CAMTA1: variants seen among roughly 807,000 people sequenced by gnomAD.
The protein encoded by CAMTA1 is calmodulin-binding transcription activator 1.
CAMTA1 carries 27 observed loss-of-function variants against 170.9 expected under a neutral mutation model. That is an observed-to-expected ratio of 0.16 (90% CI 0.12 to 0.22). The LOEUF (loss-of-function observed/expected upper bound fraction) is 0.22. CAMTA1 is among the 10% of genes least tolerant of loss of function. CAMTA1 has a pLI of 1.00. For synonymous variants in CAMTA1, 833 were observed against 891.5 expected, an observed-to-expected ratio of 0.93 and a Z score of 1.17; for missense variants, 1,619 against 2,217.2, an observed-to-expected ratio of 0.73 and a Z score of 5.42.
At chr1:7,636,962 AG>A (rs2095716897) in intron 6 of CAMTA1, among the ~76,000 whole-genome samples, 1 of 152,254 alleles carries the variant, frequency 6.6e-6, no homozygotes, top group African/African-American at 2.4e-5. Flanking sequence ...CTACTATGGT[AG>A]AGGCAGAGAG....
At chr1:7,473,095 G>T (rs565469064) in intron 6 of CAMTA1, among the ~76,000 whole-genome samples, 1 of 152,290 alleles carries the variant, frequency 6.6e-6, no homozygotes, top group Admixed American at 6.5e-5. Flanking sequence ...CCAAATCAGT[G>T]GGCCTTCCAT....
chr1:7,570,690 G>T lies in CAMTA1; in HGVS notation c.511-69710G>T, dbSNP rs774960184. On this transcript the variant is annotated intron_variant, in intron 6 of 22. Coordinates refer to ENST00000303635, the MANE Select transcript of CAMTA1 (RefSeq NM_015215.4). This position sits in a 1 kb window ranked among gnomAD's most constrained non-coding sequence, Gnocchi z 4.3. ...AAGGCCAAGGTCCTGTCAGCCTCCTGCTGTGTCAGCACAGACCCTGCCTGG... is the reference window on the plus strand; with the variant it reads ...AAGGCCAAGGTCCTGTCAGCCTCCTTCTGTGTCAGCACAGACCCTGCCTGG... Among the ~76,000 whole-genome samples, 3 of 152,246 alleles carry T rather than the reference G, an allele frequency of 2.0e-5. No individual in the cohort carries two copies. Among genetic ancestry groups the T allele is most frequent in the Non-Finnish European group, 2.9e-5 (2 of 68,048 alleles).
At chr1:7,246,251 T>C (rs1266915786) in intron 4 of CAMTA1, among the ~76,000 whole-genome samples, 1 of 152,210 alleles carries the variant, frequency 6.6e-6, no homozygotes, top group Non-Finnish European at 1.5e-5. Context: ...CTGGGAATGA[T>C]AATAATACCT....
intron 6 of CAMTA1, among the ~76,000 whole-genome samples, chr1:7,607,507 T>A (rs1203547555): frequency 6.6e-6 from 1 of 151,104 alleles, no homozygotes; most frequent in Non-Finnish European, 1.5e-5. Flanking sequence ...AGTCAATAGA[T>A]GAGTAAGTGG....
chr1:7,401,859 C>T (rs1331309121), intron 5 of CAMTA1, among the ~76,000 whole-genome samples: 1 of 152,118 alleles, frequency 6.6e-6, no homozygotes, highest in Non-Finnish European at 1.5e-5. Context: ...CCACATCCAG[C>T]TCTATGCTTC....
In CAMTA1 at chr1:7,092,501, G is replaced by C. The variant is rs189385067; in HGVS notation, c.302+1130G>C. On this transcript the variant is annotated intron_variant, in intron 4 of 22. Transcript: ENST00000303635. The surrounding 1 kb of genome is among the most constrained non-coding windows in gnomAD (Gnocchi z 5.0). ...GGCTAGAGGGCATTGTGGAAGGAAGGTTAGTTATTGAGGCTCCCTTCCCCA... is the reference window on the plus strand; with the variant it reads ...GGCTAGAGGGCATTGTGGAAGGAAGCTTAGTTATTGAGGCTCCCTTCCCCA... Among the ~76,000 whole-genome samples, 1 of 152,320 alleles carries C rather than the reference G, an allele frequency of 6.6e-6. No individual in the cohort carries two copies. The highest frequency in any genetic ancestry group is 1.5e-5 in the Non-Finnish European group (1 of 68,030).
rs145149624 is a variant in CAMTA1 at position 6,835,936 on chromosome 1, T to G, written c.234+10726T>G. Among the ~76,000 whole-genome samples the G allele has an allele frequency of 2.6e-3, 398 of 152,304 alleles. 2 individuals are homozygous for G. Among genetic ancestry groups the G allele is most frequent in the Admixed American group, 4.5e-3 (69 of 15,304 alleles). On this transcript the variant is annotated intron_variant, in intron 3 of 22. Transcript: ENST00000303635. ...GAAGCATATTCTAATTTTTCAATGT[T>G]TTTTGAAAGGGTAGCATGAACAATA...
At chr1:7,412,255 G>A (rs2090831856) in intron 5 of CAMTA1, among the ~76,000 whole-genome samples, 1 of 152,006 alleles carries the variant, frequency 6.6e-6, no homozygotes, top group African/African-American at 2.4e-5. Context: ...ATGATTTATA[G>A]TCCTTTGGGT....
chr1:6,884,335 C>CACACACACACACAA (rs776481131), intron 3 of CAMTA1, among the ~76,000 whole-genome samples: 226 of 143,984 alleles, frequency 1.6e-3, no homozygotes, highest in Non-Finnish European at 2.0e-3. Context: ...CACACACACA[C>CACACACACACACAA]AATTTTGTTT....
chr1:7,031,139 A>G (rs1363124233), intron 3 of CAMTA1, among the ~76,000 whole-genome samples: 2 of 147,800 alleles, frequency 1.4e-5, no homozygotes, highest in Non-Finnish European at 3.0e-5. Context: ...TTTTATGTTT[A>G]CTTGTTTTAT....
chr1:7,074,702 T>G (rs1351296127), intron 3 of CAMTA1, among the ~76,000 whole-genome samples: 1 of 152,242 alleles, frequency 6.6e-6, no homozygotes, highest in Non-Finnish European at 1.5e-5. Flanking sequence ...GTTAACCCTT[T>G]TATAGCATTC....
chr1:7,768,009 T>C lies in CAMTA1; in HGVS notation c.*1518T>C, dbSNP rs1341313518. The C allele has an allele frequency of 1.3e-5, 2 of 152,408 alleles. No homozygotes were observed. Among genetic ancestry groups the C allele is most frequent in the East Asian group, 1.9e-4 (1 of 5,332 alleles). 9.4% of individuals were successfully genotyped at this position (152,408 alleles called of 1,614,324 possible). ...TGCCAAGTAATGTGAATGCTAATACTGCTTAAGAAAATTAAGTTACTTTTG... is the reference window on the plus strand; with the variant it reads ...TGCCAAGTAATGTGAATGCTAATACCGCTTAAGAAAATTAAGTTACTTTTG... On this transcript the variant is annotated 3_prime_UTR_variant, in exon 23 of 23. Transcript: ENST00000303635.
chr1:7,606,815 G>T (rs2095489852), intron 6 of CAMTA1, among the ~76,000 whole-genome samples: 1 of 152,180 alleles, frequency 6.6e-6, no homozygotes, highest in Non-Finnish European at 1.5e-5. Context: ...GGATCATCAG[G>T]GTGAGGAGGG....
At chr1:7,335,150 GGGGGGGGT>G (rs1557537473) in intron 5 of CAMTA1, among the ~76,000 whole-genome samples, 1 of 121,108 alleles carries the variant, frequency 8.3e-6, no homozygotes, top group Admixed American at 8.0e-5. Context: ...GGGGGGGGGG[GGGGGGGGT>G]GGGGGTGGGG....
chr1:7,250,371 T>G (rs981215019), intron 5 of CAMTA1, among the ~76,000 whole-genome samples: 3 of 151,686 alleles, frequency 2.0e-5, no homozygotes, highest in African/African-American at 7.2e-5. Context: ...GCTGGTTAAC[T>G]AGCATCCACT....
intron 4 of CAMTA1, among the ~76,000 whole-genome samples, chr1:7,121,010 A>G (rs995459395): frequency 6.6e-6 from 1 of 152,230 alleles, no homozygotes; most frequent in Non-Finnish European, 1.5e-5. Context: ...GGCAACTAAG[A>G]AGAGCCAGCA....
intron 7 of CAMTA1, among the ~76,000 whole-genome samples, chr1:7,653,579 A>C (rs2095860978): frequency 6.6e-6 from 1 of 152,134 alleles, no homozygotes; most frequent in South Asian, 2.1e-4. Context: ...TTTTGGAGTC[A>C]ACATATGAAG....
intron 4 of CAMTA1, among the ~76,000 whole-genome samples, chr1:7,209,413 G>T (rs1658351220): frequency 6.6e-6 from 1 of 152,262 alleles, no homozygotes; most frequent in South Asian, 2.1e-4. Flanking sequence ...TTAACACTTT[G>T]GGGTTGATTC....
intron 6 of CAMTA1, among the ~76,000 whole-genome samples, chr1:7,638,187 T>C (rs1330788211): frequency 3.3e-5 from 5 of 152,220 alleles, no homozygotes; most frequent in Middle Eastern, 3.2e-3. Context: ...GTCCCAGGAC[T>C]CATGGTTGAG....
Sources: gnomAD v4.1 joint callset for allele counts (sites outside exome capture counted in the v4.1 genomes callset) on GRCh38, gnomAD v4.1.1 for gene constraint, Gnocchi (gnomAD v3.1) non-coding constraint, MANE v1.5 for transcripts, NCBI Gene and HGNC (gene_info 2026-07-23, HGNC 2026-07-21) for gene names.